SCARA5: variants seen among roughly 807,000 people sequenced by gnomAD.
SCARA5 encodes the protein scavenger receptor class A, member 5 (putative).
SCARA5 carries 45 observed loss-of-function variants against 46.3 expected under a neutral mutation model. The ratio of observed to expected loss-of-function variants is 0.97; its 90% CI spans 0.76 to 1.24. SCARA5 has a LOEUF of 1.24. SCARA5 is among the 50% of genes most tolerant of loss of function. SCARA5 has a pLI of 0.00. For missense variants in SCARA5, 680 were observed against 689.0 expected, an observed-to-expected ratio of 0.99 and a Z score of 0.15; for synonymous variants, 333 against 306.5, an observed-to-expected ratio of 1.09 and a Z score of -0.90.
At chr8:27,881,905 T>G (rs1334408231) in intron 7 of SCARA5, among the ~76,000 whole-genome samples, 2 of 152,226 alleles carry the variant, frequency 1.3e-5, no homozygotes, top group African/African-American at 4.8e-5. Context: ...ACATTTGGGT[T>G]CACTTTTGGT....
chr8:27,930,806 G>C (rs1003854946), intron 3 of SCARA5, among the ~76,000 whole-genome samples: 7 of 152,238 alleles, frequency 4.6e-5, no homozygotes, highest in Non-Finnish European at 1.0e-4. Flanking sequence ...GTAGGAAGCA[G>C]CTCCAAGCCC....
At chr8:27,872,100 C>T (rs202234518) in intron 8 of SCARA5, 30 bp from the exon 9 acceptor site, 61 of 1,613,022 alleles carry the variant, frequency 3.8e-5, no homozygotes, top group Middle Eastern at 1.7e-4. Flanking sequence ...CAGCTATAAG[C>T]GGATACACAG....
At chr8:27,933,043 T>C (rs944678872) in intron 3 of SCARA5, among the ~76,000 whole-genome samples, 8 of 152,106 alleles carry the variant, frequency 5.3e-5, no homozygotes, top group African/African-American at 1.7e-4. Context: ...TACAGTCACA[T>C]TGGGGGTTAG....
intron 3 of SCARA5, among the ~76,000 whole-genome samples, chr8:27,936,580 CTG>C (rs1247424922): frequency 6.3e-5 from 1 of 15,886 alleles, no homozygotes; most frequent in South Asian, 5.4e-3. Context: ...GAGAGAAAGA[CTG>C]TGTCTCCATT....
chr8:27,885,005 AG>A (rs1806871032), intron 7 of SCARA5, among the ~76,000 whole-genome samples: 1 of 151,726 alleles, frequency 6.6e-6, no homozygotes, highest in South Asian at 2.1e-4. Flanking sequence ...AATGAGAGAC[AG>A]GGCAGGCACC....
At chr8:27,874,565 TAGC>T (rs1390380336) in intron 8 of SCARA5, among the ~76,000 whole-genome samples, 1 of 152,208 alleles carries the variant, frequency 6.6e-6, no homozygotes, top group East Asian at 1.9e-4. Context: ...CAGAACTGAG[TAGC>T]TGTGACAGAG....
intron 4 of SCARA5, among the ~76,000 whole-genome samples, chr8:27,917,541 C>A (rs981465824): frequency 6.6e-6 from 1 of 152,170 alleles, no homozygotes; most frequent in African/African-American, 2.4e-5. Flanking sequence ...AAAATGCTTC[C>A]ATCCCAACAA....
chr8:27,963,350 C>T (rs1342426581), intron 3 of SCARA5, among the ~76,000 whole-genome samples: 1 of 152,116 alleles, frequency 6.6e-6, no homozygotes, highest in Non-Finnish European at 1.5e-5. Context: ...CTCTACTGTT[C>T]AAAAATGAAT....
At chr8:27,972,298 CAA>C (rs1050021401) in intron 2 of SCARA5, among the ~76,000 whole-genome samples, 2 of 151,556 alleles carry the variant, frequency 1.3e-5, no homozygotes, top group African/African-American at 4.9e-5. Flanking sequence ...GTCTGGGCGA[CAA>C]AGTGAGACTC....
intron 6 of SCARA5, 63 bp downstream of exon 6, chr8:27,907,085 C>A: frequency 3.3e-6 from 4 of 1,198,452 alleles, no homozygotes; most frequent in Admixed American, 1.9e-5. Flanking sequence ...GTCCCCCATG[C>A]CAATGCCCAT....
At chr8:27,895,945 T>G (rs1352007334) in intron 7 of SCARA5, among the ~76,000 whole-genome samples, 1 of 152,224 alleles carries the variant, frequency 6.6e-6, no homozygotes, top group Non-Finnish European at 1.5e-5. Flanking sequence ...ACGAAGCGCT[T>G]TCCTTGCCCA....
chr8:27,943,332 A>G (rs1003344312), intron 3 of SCARA5, among the ~76,000 whole-genome samples: 1 of 152,082 alleles, frequency 6.6e-6, no homozygotes, highest in Non-Finnish European at 1.5e-5. Flanking sequence ...AGTCCTAGCT[A>G]TTCCGGAGGC....
At chr8:27,907,313 G>A (rs1807279907) in intron 5 of SCARA5, 67 bp from the exon 6 acceptor site, 14 of 1,207,686 alleles carry the variant, frequency 1.2e-5, no homozygotes, top group East Asian at 7.3e-5. Context: ...AGAGGTCATC[G>A]TCGGGTTCAA....
intron 2 of SCARA5, among the ~76,000 whole-genome samples, chr8:27,986,832 C>T (rs543508475): frequency 6.6e-5 from 10 of 152,322 alleles, no homozygotes; most frequent in East Asian, 1.9e-4. Flanking sequence ...TTCTCTTTGA[C>T]GTGGGGGCAA....
intron 7 of SCARA5, among the ~76,000 whole-genome samples, chr8:27,892,155 G>C (rs748074629): frequency 4.6e-5 from 7 of 152,240 alleles, no homozygotes; most frequent in Non-Finnish European, 7.3e-5. Context: ...GAGACTGAGA[G>C]GCAGGGATGG....
In SCARA5 at chr8:27,871,634, G is replaced by T; in HGVS notation, c.*300C>A. On this transcript the variant is annotated 3_prime_UTR_variant, in exon 9 of 9. Transcript: ENST00000354914. ...AGGCCAAAGGGAACTGGGATATTGA[G>T]GCCTGGTGCATGGTGTTCAGAGGCT... 3.9e-6 allele frequency: 5 copies of T among 1,275,462 alleles called. No homozygotes were observed. The highest frequency in any genetic ancestry group is 2.0e-6 in the Non-Finnish European group (2 of 1,003,708). The allele number at this position is 1,275,462 out of a possible 1,614,324, so 79.0% of individuals were successfully genotyped here. A position where few individuals can be genotyped will look rare whatever the true frequency, so the allele number is the denominator to read the frequency against.
chr8:27,960,337 T>C (rs1208579814), intron 3 of SCARA5, among the ~76,000 whole-genome samples: 2 of 152,106 alleles, frequency 1.3e-5, no homozygotes, highest in East Asian at 3.9e-4. Context: ...TCACTATACC[T>C]GGCTCATTTT....
intron 3 of SCARA5, among the ~76,000 whole-genome samples, chr8:27,950,300 G>A (rs1490003956): frequency 9.9e-5 from 15 of 152,226 alleles, no homozygotes; most frequent in African/African-American, 3.4e-4. Context: ...GAATATGCAC[G>A]ACTACCTGGA....
At chr8:27,939,956 C>T (rs937207919) in intron 3 of SCARA5, among the ~76,000 whole-genome samples, 3 of 152,188 alleles carry the variant, frequency 2.0e-5, no homozygotes, top group African/African-American at 2.4e-5. Context: ...GCGTTAGAGG[C>T]CCCTCCTGTA....
Sources: gnomAD v4.1 joint callset for allele counts (sites outside exome capture counted in the v4.1 genomes callset) on GRCh38, gnomAD v4.1.1 for gene constraint, MANE v1.5 for transcripts, NCBI Gene and HGNC (gene_info 2026-07-23, HGNC 2026-07-21) for gene names.